Variants in OVCH2 observed in about 807,000 individuals in gnomAD.
OVCH2 encodes the protein ovochymase-2.
A neutral mutation model predicts 73.7 loss-of-function variants in OVCH2; 88 were observed. That is an observed-to-expected ratio of 1.19 (90% CI 1.01 to 1.43). OVCH2 has a LOEUF of 1.43. Among genes scored for constraint, OVCH2 ranks in the 40% most tolerant of loss-of-function variants. The pLI is 0.00. For missense variants in OVCH2, 706 were observed against 674.5 expected (o/e 1.05, Z -0.52); for synonymous variants, 265 against 234.5 (o/e 1.13, Z -1.19).
intron 14 of OVCH2, 27 bp downstream of exon 14, chr11:7,691,242 A>G (rs1856213238): frequency 6.3e-7 from 1 of 1,581,034 alleles, no homozygotes; most frequent in African/African-American, 1.3e-5. Context: ...ACTGGGAACC[A>G]AAGAGTTGGT....
chr11:7,691,218 T>A, intron 14 of OVCH2, 51 bp downstream of exon 14: 1 of 1,551,746 alleles, frequency 6.4e-7, no homozygotes, highest in South Asian at 1.2e-5. Context: ...CTAATTCACA[T>A]CACAAGGATT....
intron 8 of OVCH2, among the ~76,000 whole-genome samples, chr11:7,697,821 C>T (rs1055555663): frequency 2.6e-5 from 4 of 151,904 alleles, no homozygotes; most frequent in Non-Finnish European, 5.9e-5. Flanking sequence ...TTTGTCCCCT[C>T]GCAACCCATC....
At position 7,703,699 on chromosome 11, in the gene OVCH2, T is replaced by A; in HGVS notation, c.289A>T (p.Arg97Ter). Reference sequence around the variant, plus strand: ...ACTCATGGGCTAGGCCTTTCTTACCTGTTTGCAATGCAGTGAGCCGCCGTG... The same window carrying A: ...ACTCATGGGCTAGGCCTTTCTTACCAGTTTGCAATGCAGTGAGCCGCCGTG... ...VITAAHCIAN[R>*]NIVSTLNVTA... The change falls in exon 3 of 16, where the codon AGA becomes TGA. Residue 97 changes from arginine to a stop codon, truncating the protein, a stop_gained and splice_region_variant. Coordinates refer to ENST00000533663, the MANE Select transcript of OVCH2 (RefSeq NM_198185.7). LOFTEE classifies it high-confidence loss of function. 1 of 1,600,898 alleles carries A rather than the reference T, an allele frequency of 6.2e-7. No individual in the cohort carries two copies. Among genetic ancestry groups the A allele is most frequent in the South Asian group, 1.1e-5 (1 of 88,086 alleles).
intron 12 of OVCH2, among the ~76,000 whole-genome samples, chr11:7,692,214 G>C (rs1397816409): frequency 6.6e-6 from 1 of 152,170 alleles, no homozygotes; most frequent in Non-Finnish European, 1.5e-5. Flanking sequence ...CTGAATCAAA[G>C]GGCAGGAAAC....
intron 3 of OVCH2, 51 bp from the exon 4 acceptor site, chr11:7,702,380 C>T: frequency 1.4e-6 from 2 of 1,412,034 alleles, no homozygotes; most frequent in African/African-American, 1.4e-5. Context: ...CCTCTGAGTA[C>T]AGTTGCAATG....
At chr11:7,704,197 G>A (rs1050486211) in intron 2 of OVCH2, among the ~76,000 whole-genome samples, 2 of 152,118 alleles carry the variant, frequency 1.3e-5, no homozygotes, top group Non-Finnish European at 2.9e-5. Context: ...TGAGGGCTGG[G>A]GAGCCTTTCA....
rs2136158153 is a variant in OVCH2 at position 7,698,783 on chromosome 11, G to A, written c.902-10C>T. On this transcript the variant is annotated splice_polypyrimidine_tract_variant and intron_variant, in intron 7 of 15. Coordinates refer to ENST00000533663, the MANE Select transcript of OVCH2 (RefSeq NM_198185.7). Reference sequence around the variant, plus strand: ...CTCTTTCTCCGATTACCTGGGAAAGGAAAAGAAGGATGCAATTGAAAGCCT... The same window carrying A: ...CTCTTTCTCCGATTACCTGGGAAAGAAAAAGAAGGATGCAATTGAAAGCCT... 2 of 1,612,592 alleles carry A rather than the reference G, an allele frequency of 1.2e-6. No individual in the cohort carries two copies. Among genetic ancestry groups the A allele is most frequent in the South Asian group, 2.2e-5 (2 of 90,522 alleles).
Position 7,695,153 on chromosome 11 carries a change from C to T in OVCH2, c.1318G>A (p.Glu440Lys). The T allele has an allele frequency of 6.4e-7, 1 of 1,558,844 alleles. No homozygotes were observed. The highest frequency in any genetic ancestry group is 8.7e-7 in the Non-Finnish European group (1 of 1,151,422). Reference sequence around the variant, plus strand: ...TAGTTTAGACTCTGTATGAGACCTTCTTCAAAAAGGACAGTTAAGTAACTG... The same window carrying T: ...TAGTTTAGACTCTGTATGAGACCTTTTTCAAAAAGGACAGTTAAGTAACTG... ...GCSYLTVLFEEGLIQSLNYPE... is the reference protein window; with the variant it reads ...GCSYLTVLFEKGLIQSLNYPE... Residue 440 changes from glutamate (E) to lysine (K), a missense_variant, in exon 12 of 16, where the codon GAA (glutamate) becomes AAA (lysine). By Grantham distance (56) the Glu-to-Lys change is moderately conservative (BLOSUM62 1). Transcript: ENST00000533663.
rs1158660510 is a variant in OVCH2, at chr11:7,691,315, C to A, written c.1593G>T (p.Gly531=). Residue 531 remains glycine, a synonymous_variant, in exon 14 of 16, where the codon GGG becomes GGT. Transcript: ENST00000533663. The stretch of plus-strand genomic sequence containing the variant: ...CTGTAGCCTGAAAGCCCCTGCAGGT[C>A]CCGTTTTCATCTGATTGGAAGCTGA... ...MLISFQSDEN[G]TCRGFQATVS... 1.2e-6 allele frequency: 2 copies of A among 1,613,688 alleles called. No homozygotes were observed. The highest frequency in any genetic ancestry group is 1.7e-6 in the Non-Finnish European group (2 of 1,179,842).
At chr11:7,693,499 C>T (rs768937683) in intron 12 of OVCH2, among the ~76,000 whole-genome samples, 37 of 152,120 alleles carry the variant, frequency 2.4e-4, no homozygotes, top group African/African-American at 3.6e-4. Context: ...CACTGATGCA[C>T]GACACTCAAA....
intron 12 of OVCH2, among the ~76,000 whole-genome samples, chr11:7,693,913 T>C (rs1856269623): frequency 1.3e-5 from 2 of 152,226 alleles, no homozygotes; most frequent in Admixed American, 1.3e-4. Flanking sequence ...TTCTCATCTC[T>C]TTAAGTTCTA....
rs964526346 is a variant in OVCH2, at chr11:7,696,376, A to T, written c.1141+89T>A. ...GGAAGTCAAGAAGTGTGGCATTTAC[A>T]GATGGCTGAGTGCCAGACATAAGAT... On this transcript the variant is annotated intron_variant, in intron 10 of 15. Coordinates refer to ENST00000533663, the MANE Select transcript of OVCH2 (RefSeq NM_198185.7). 2.0e-6 allele frequency: 3 copies of T among 1,528,532 alleles called. No individual in the cohort carries two copies. The African/African-American group carries it at 4.1e-5, about 21-fold the overall frequency. 94.7% of individuals were successfully genotyped at this position (1,528,532 alleles called of 1,614,324 possible). A position where few individuals can be genotyped will look rare whatever the true frequency, so the allele number is the denominator to read the frequency against.
chr11:7,691,903 T>C lies in OVCH2; in HGVS notation c.1506A>G (p.Ile502Met), dbSNP rs1239617791. 6.4e-7 allele frequency: 1 copy of C among 1,562,614 alleles called. No individual in the cohort carries two copies. Reference sequence around the variant, plus strand: ...AGCTGAGGCTCAGAGGACACAAACCTATTTCCTTCTTCCTTTCTACATCGC... The same window carrying C: ...AGCTGAGGCTCAGAGGACACAAACCCATTTCCTTCTTCCTTTCTACATCGC... ...VHSDVERKKE[I>M]ARLCGYDVPT... is the part of the protein sequence containing the mutation. The change falls in exon 13 of 16, where the codon ATA (isoleucine) becomes ATG (methionine). Residue 502 changes from isoleucine (I) to methionine (M), a missense_variant and splice_region_variant. Coordinates refer to ENST00000533663, the MANE Select transcript of OVCH2 (RefSeq NM_198185.7).
intron 6 of OVCH2, 33 bp from the exon 7 acceptor site, chr11:7,700,518 T>G (rs776242451): frequency 6.4e-7 from 1 of 1,563,136 alleles, no homozygotes; most frequent in African/African-American, 1.4e-5. Context: ...TTAGCATCAC[T>G]GTCAGTGTCT....
At chr11:7,694,454 T>A (rs1856282901) in intron 12 of OVCH2, among the ~76,000 whole-genome samples, 1 of 152,138 alleles carries the variant, frequency 6.6e-6, no homozygotes, top group African/African-American at 2.4e-5. Context: ...TCCTCTAGGC[T>A]TGCTCTGTCC....
At chr11:7,703,832 G>A in intron 2 of OVCH2, 43 bp from the exon 3 acceptor site, 1 of 1,486,504 alleles carries the variant, frequency 6.7e-7, no homozygotes, top group Non-Finnish European at 9.2e-7. Flanking sequence ...TCATGCCCTG[G>A]GATCCCCCTA....
At chr11:7,696,088 C>T (rs1440557683) in intron 10 of OVCH2, among the ~76,000 whole-genome samples, 1 of 152,138 alleles carries the variant, frequency 6.6e-6, no homozygotes, top group East Asian at 1.9e-4. Context: ...TCATGGTTGT[C>T]TATTTGTATT....
At chr11:7,701,611 T>G (rs1856439058) in intron 5 of OVCH2, 105 bp downstream of exon 5, 1 of 1,465,014 alleles carries the variant, frequency 6.8e-7, no homozygotes, top group Admixed American at 2.1e-5. Flanking sequence ...TCTTTAGAAA[T>G]GTATGCACAA....
chr11:7,689,555 C>T lies in OVCH2; in HGVS notation c.*79G>A, dbSNP rs1354474451. On this transcript the variant is annotated 3_prime_UTR_variant, in exon 16 of 16. Coordinates refer to ENST00000533663, the MANE Select transcript of OVCH2 (RefSeq NM_198185.7). Reference sequence around the variant, plus strand: ...GTGACGAGGAGTCTGCCCCAAGCCTCTCCTCTAGCTTCTGGTGGTTTACTG... The same window carrying T: ...GTGACGAGGAGTCTGCCCCAAGCCTTTCCTCTAGCTTCTGGTGGTTTACTG... The T allele has an allele frequency of 4.4e-6, 2 of 454,720 alleles. No homozygotes were observed. The highest frequency in any genetic ancestry group is 6.8e-5 in the East Asian group (1 of 14,620). The allele number at this position is 454,720 out of a possible 1,614,324, so 28.2% of individuals were successfully genotyped here. A position where few individuals can be genotyped will look rare whatever the true frequency, so the allele number is the denominator to read the frequency against.
Sources: allele counts gnomAD v4.1 joint callset (sites outside exome capture counted in the v4.1 genomes callset), GRCh38; gene constraint gnomAD v4.1.1; transcripts MANE v1.5; gene names NCBI Gene and HGNC (gene_info 2026-07-23, HGNC 2026-07-21).